C8orf74: variants seen among roughly 807,000 people sequenced by gnomAD.
The protein encoded by C8orf74 is chromosome 8 open reading frame 74.
A neutral mutation model predicts 22.2 loss-of-function variants in C8orf74; 29 were observed. The ratio of observed to expected loss-of-function variants is 1.31; its 90% CI spans 0.97 to 1.78. C8orf74 has a LOEUF of 1.78. Ranked by LOEUF, C8orf74 falls within the 40% of genes most tolerant of loss-of-function variation. The probability of loss-of-function intolerance (pLI) is 0.00; values close to 1 mark genes in which losing one functional copy is unlikely to be tolerated. For synonymous variants in C8orf74, 255 were observed against 163.1 expected, an observed-to-expected ratio of 1.56 and a Z score of -4.30; for missense variants, 515 against 369.9, an observed-to-expected ratio of 1.39 and a Z score of -3.22.
At chr8:10,698,070 A>C in intron 3 of C8orf74, 65 bp downstream of exon 3, 2 of 1,405,220 alleles carry the variant, frequency 1.4e-6, no homozygotes, top group Non-Finnish European at 1.9e-6. Flanking sequence ...CCAGGGCTGG[A>C]GTCACTGCAG....
At chr8:10,689,224 G>A (rs530018195) in intron 2 of C8orf74, 2 of 152,232 alleles carry the variant, frequency 1.3e-5, no homozygotes, top group Non-Finnish European at 2.9e-5. Flanking sequence ...CTGAAGCTCA[G>A]GTCCTGACTT....
intron 2 of C8orf74, among the ~76,000 whole-genome samples, chr8:10,680,473 A>C (rs539915832): frequency 1.7e-4 from 26 of 152,270 alleles, no homozygotes; most frequent in South Asian, 1.2e-3. Context: ...ACATCCACCT[A>C]TGTCCAAGAC....
intron 3 of C8orf74, among the ~76,000 whole-genome samples, chr8:10,698,946 C>T (rs1047425725): frequency 6.9e-6 from 1 of 144,386 alleles, no homozygotes; most frequent in Non-Finnish European, 1.5e-5. Flanking sequence ...CACACACACA[C>T]GAAAATCTCT....
intron 2 of C8orf74, among the ~76,000 whole-genome samples, chr8:10,684,532 A>C (rs568176113): frequency 2.4e-4 from 37 of 152,284 alleles, no homozygotes; most frequent in African/African-American, 8.2e-4. Flanking sequence ...TTCTAATCCT[A>C]GTGTTTGAGT....
chr8:10,698,704 G>A (rs1408169488), intron 3 of C8orf74, among the ~76,000 whole-genome samples: 1 of 152,174 alleles, frequency 6.6e-6, no homozygotes, highest in South Asian at 2.1e-4. Context: ...AGGCACTGAA[G>A]TCATCATTGT....
At position 10,697,868 on chromosome 8, in the gene C8orf74, C is replaced by A. The variant is rs776713924; in HGVS notation, c.511C>A (p.Leu171Met). ...LWIHEQQVAT[L>M]TEAEAQKRAD... ...GATCCACGAGCAGCAGGTGGCCACA[C>A]TGACGGAGGCCGAGGCACAGAAGCG... The change falls in exon 3 of 4, where the codon CTG (leucine) becomes ATG (methionine). Residue 171 changes from leucine to methionine, a missense_variant. By Grantham distance (15) the Leu-to-Met change is conservative. Transcript: ENST00000304519. 6.2e-7 allele frequency: 1 copy of A among 1,613,222 alleles called. No homozygotes were observed. The highest frequency in any genetic ancestry group is 8.5e-7 in the Non-Finnish European group (1 of 1,179,518).
rs1435328045 is a variant in C8orf74 at position 10,680,637 on chromosome 8, GC to G, written c.241+5802del. Among the ~76,000 whole-genome samples the G allele has an allele frequency of 2.0e-5, 3 of 152,322 alleles. No individual in the cohort carries two copies. In the East Asian group the frequency reaches 5.8e-4, roughly 29 times the overall value. On this transcript the variant is annotated intron_variant, in intron 2 of 3. Coordinates refer to ENST00000304519, the MANE Select transcript of C8orf74 (RefSeq NM_001040032.2). ...CAAGGCATGGGCCAGCAGAAGGGAG[GC>G]CCAGACCACCTCTGACCTGGACTCT...
At position 10,672,699 on chromosome 8, in the gene C8orf74, G is replaced by A. The variant is rs776594070; in HGVS notation, c.34G>A (p.Val12Ile). The A allele has an allele frequency of 1.3e-6, 2 of 1,563,586 alleles. No individual in the cohort carries two copies. Among genetic ancestry groups the A allele is most frequent in the East Asian group, 2.4e-5 (1 of 41,934 alleles). The change falls in exon 1 of 4, where the codon GTC becomes ATC. Residue 12 changes from valine to isoleucine, a missense_variant. Transcript: ENST00000304519. ...ALLTPQGVKE[V>I]FQLQRPQGRE... ...CTTAACACCCCAGGGAGTGAAAGAA[G>A]TCTTCCAACTTCAGGTGAAGGAAGA...
intron 2 of C8orf74, among the ~76,000 whole-genome samples, chr8:10,696,230 G>A (rs1799494350): frequency 6.6e-6 from 1 of 151,946 alleles, no homozygotes; most frequent in Non-Finnish European, 1.5e-5. Context: ...TGAGCAGGAG[G>A]AGTGAAGGGG....
intron 2 of C8orf74, among the ~76,000 whole-genome samples, chr8:10,678,022 C>T (rs1799068525): frequency 6.6e-6 from 1 of 152,210 alleles, no homozygotes; most frequent in Non-Finnish European, 1.5e-5. Context: ...ATCCACCTTA[C>T]GAGTTCCTCC....
At chr8:10,690,747 CT>C (rs1799362774) in intron 2 of C8orf74, 1 of 405,462 alleles carries the variant, frequency 2.5e-6, no homozygotes, top group African/African-American at 2.0e-5. Context: ...CCGGAGCCCC[CT>C]GGTCCGAGCC....
At chr8:10,694,955 G>T (rs1000763843) in intron 2 of C8orf74, among the ~76,000 whole-genome samples, 5 of 151,624 alleles carry the variant, frequency 3.3e-5, no homozygotes, top group African/African-American at 1.2e-4. Flanking sequence ...TAGATGGGTG[G>T]GTGGAAGGAT....
intron 2 of C8orf74, among the ~76,000 whole-genome samples, chr8:10,678,267 T>C (rs555123348): frequency 6.6e-6 from 1 of 152,308 alleles, no homozygotes; most frequent in East Asian, 1.9e-4. Flanking sequence ...AAAATGGGGA[T>C]GCAGGATCAC....
At chr8:10,699,881 G>A (rs934489827) in intron 3 of C8orf74, among the ~76,000 whole-genome samples, 2 of 152,230 alleles carry the variant, frequency 1.3e-5, no homozygotes, top group Non-Finnish European at 2.9e-5. Context: ...CAAACAGCCT[G>A]GCCGTCACTC....
At chr8:10,694,566 T>G (rs975613141) in intron 2 of C8orf74, among the ~76,000 whole-genome samples, 1 of 152,208 alleles carries the variant, frequency 6.6e-6, no homozygotes, top group East Asian at 1.9e-4. Flanking sequence ...CCTCCCTTGC[T>G]CAGTAAATTG....
intron 2 of C8orf74, among the ~76,000 whole-genome samples, chr8:10,694,576 G>A (rs1318557870): frequency 6.6e-6 from 1 of 152,162 alleles, no homozygotes; most frequent in Admixed American, 6.5e-5. Context: ...TCAGTAAATT[G>A]GCACTTTGTA....
At chr8:10,676,455 A>G (rs1285046635) in intron 2 of C8orf74, among the ~76,000 whole-genome samples, 1 of 152,122 alleles carries the variant, frequency 6.6e-6, no homozygotes, top group Admixed American at 6.5e-5. Context: ...GCATTCTGCA[A>G]TCGATTTACC....
At chr8:10,698,069 G>A in intron 3 of C8orf74, 64 bp downstream of exon 3, 1 of 1,419,118 alleles carries the variant, frequency 7.0e-7, no homozygotes, top group Non-Finnish European at 9.2e-7. Context: ...GCCAGGGCTG[G>A]AGTCACTGCA....
At chr8:10,696,440 T>C (rs370860065) in intron 2 of C8orf74, among the ~76,000 whole-genome samples, 2,787 of 134,278 alleles carry the variant, frequency 0.021, 103 homozygotes, top group African/African-American at 0.09. Context: ...TCTTTTCTTT[T>C]CTTTTTTTTT....
Sources: allele counts gnomAD v4.1 joint callset (sites outside exome capture counted in the v4.1 genomes callset), GRCh38; gene constraint gnomAD v4.1.1; transcripts MANE v1.5; gene names NCBI Gene and HGNC (gene_info 2026-07-23, HGNC 2026-07-21).